FOXN1: variants seen among roughly 807,000 people sequenced by gnomAD.
The protein encoded by FOXN1 is forkhead box N1.
Under a neutral mutation model 49.0 loss-of-function variants are expected in FOXN1, and 15 were observed. That is an observed-to-expected ratio of 0.31 (90% CI 0.20 to 0.47). The LOEUF (loss-of-function observed/expected upper bound fraction) is 0.47, where lower values mean the gene tolerates loss of function less well. Among genes scored for constraint, FOXN1 ranks in the 20% least tolerant of loss-of-function variants. The probability of loss-of-function intolerance (pLI) is 1.00; values close to 1 mark genes in which losing one functional copy is unlikely to be tolerated. For synonymous variants in FOXN1, 356 were observed against 369.0 expected (o/e 0.96, Z 0.40); for missense variants, 800 against 842.8 (o/e 0.95, Z 0.63).
In FOXN1 at chr17:28,524,873, T is replaced by C. The variant is rs746353853; in HGVS notation, c.494T>C (p.Val165Ala). Residue 165 changes from valine to alanine, a missense_variant, in exon 3 of 9, where the codon GTG (valine) becomes GCG (alanine). Physicochemically the swap from Val to Ala is moderately conservative, Grantham distance 64 (BLOSUM62 0). Coordinates refer to ENST00000579795, the MANE Select transcript of FOXN1 (RefSeq NM_001369369.1). Reference protein sequence around the residue: ...LEAFEEIPVDVAEAEAFLPGF... With the variant: ...LEAFEEIPVDAAEAEAFLPGF... ...GCCTTCGAGGAGATCCCAGTGGACG[T>C]GGCGGAGGCCGAGGCCTTCCTGCCT... 1 of 1,613,662 alleles carries C rather than the reference T, an allele frequency of 6.2e-7. No homozygotes were observed.
At chr17:28,513,653 C>T (rs1309128040) in intron 1 of FOXN1, among the ~76,000 whole-genome samples, 6 of 152,268 alleles carry the variant, frequency 3.9e-5, no homozygotes, top group Non-Finnish European at 8.8e-5. Context: ...GACAGCCCCG[C>T]CTCAGCCCTC....
In FOXN1 at chr17:28,537,139, GGAT is replaced by G; in HGVS notation, c.1654_1656del (p.Asp552del). 1 of 1,614,062 alleles carries G rather than the reference GGAT, an allele frequency of 6.2e-7. No homozygotes were observed. Among genetic ancestry groups the G allele is most frequent in the Non-Finnish European group, 8.5e-7 (1 of 1,179,934 alleles). ...TAGGAAACCTGTGGGAACAGTTGAA[GGAT>G]GATAGCTTGGCCCTCGACCCCCTGG... is the stretch of plus-strand genomic sequence containing the variant. On this transcript the variant is annotated inframe_deletion, in exon 9 of 9. Transcript: ENST00000579795.
In FOXN1 at chr17:28,524,057, G is replaced by A. The variant is rs774122501; in HGVS notation, c.88G>A (p.Ala30Thr). Residue 30 changes from alanine (A) to threonine (T), a missense_variant, in exon 2 of 9, where the codon GCA becomes ACA. Around this residue, in one of 3 missense-constraint regions of FOXN1, gnomAD observed 383 missense variants for 357.9 expected, o/e 1.07. Transcript: ENST00000579795. ...CGAGCGCCAAGGGGACCTCATGCAG[G>A]CACCGGGCCTCCCAGGCTCCCCTGC... ...EGERQGDLMQ[A>T]PGLPGSPAPQ... 2 of 1,610,086 alleles carry A rather than the reference G, an allele frequency of 1.2e-6. No individual in the cohort carries two copies. The highest frequency in any genetic ancestry group is 1.7e-6 in the Non-Finnish European group (2 of 1,179,280).
chr17:28,534,807 C>G lies in FOXN1; in HGVS notation c.1236C>G (p.Pro412=). ...TGTCCGGCTCAGGCCCCATCCGGCCCCTGGCACCCCCAGCTGGCCTCTCCC... is the reference window on the plus strand; with the variant it reads ...TGTCCGGCTCAGGCCCCATCCGGCCGCTGGCACCCCCAGCTGGCCTCTCCC... ...PGLSGSGPIR[P]LAPPAGLSPP... is the part of the protein sequence containing the mutation. The change falls in exon 8 of 9, where the codon CCC becomes CCG. Residue 412 remains proline (P), a synonymous_variant. Coordinates refer to ENST00000579795, the MANE Select transcript of FOXN1 (RefSeq NM_001369369.1). This position sits in a 1 kb window ranked among gnomAD's most constrained non-coding sequence, Gnocchi z 4.1. The G allele has an allele frequency of 6.2e-7, 1 of 1,613,908 alleles. No homozygotes were observed.
At chr17:28,520,596 G>A (rs994223050) in intron 1 of FOXN1, among the ~76,000 whole-genome samples, 1 of 152,200 alleles carries the variant, frequency 6.6e-6, no homozygotes, top group African/African-American at 2.4e-5. Context: ...ATTGGAGGAG[G>A]TAGCAGGGTG....
At chr17:28,514,642 C>G (rs866225152) in intron 1 of FOXN1, among the ~76,000 whole-genome samples, 1 of 152,076 alleles carries the variant, frequency 6.6e-6, no homozygotes, top group African/African-American at 2.4e-5. Context: ...AGCACCCGGC[C>G]GGCCGAGCCC....
intron 1 of FOXN1, among the ~76,000 whole-genome samples, chr17:28,520,018 A>G (rs1391659985): frequency 1.3e-5 from 2 of 151,942 alleles, no homozygotes; most frequent in African/African-American, 2.4e-5. Context: ...AGCATGTACT[A>G]TGTGTTAAGC....
intron 4 of FOXN1, among the ~76,000 whole-genome samples, chr17:28,527,705 G>A (rs1196096405): frequency 6.6e-6 from 1 of 152,164 alleles, no homozygotes; most frequent in Admixed American, 6.5e-5. Context: ...AGAGGAGTGT[G>A]GTGTGAAACA....
At chr17:28,521,146 C>T (rs560303137) in intron 1 of FOXN1, among the ~76,000 whole-genome samples, 3 of 151,928 alleles carry the variant, frequency 2.0e-5, no homozygotes, top group Admixed American at 1.3e-4. Flanking sequence ...TTCTCAGATG[C>T]GGAAAGTGAG....
At chr17:28,521,252 C>G (rs146575189) in intron 1 of FOXN1, among the ~76,000 whole-genome samples, 132 of 152,352 alleles carry the variant, frequency 8.7e-4, no homozygotes, top group Non-Finnish European at 1.4e-3. Context: ...AATCCTTGCT[C>G]TAAAACACCG....
chr17:28,534,279 G>C lies in FOXN1; in HGVS notation c.928-52G>C. On this transcript the variant is annotated intron_variant, in intron 6 of 8. Transcript: ENST00000579795. The surrounding 1 kb of genome is among the most constrained non-coding windows in gnomAD (Gnocchi z 4.1). ...GTTCTAGAACCCAGACCTGAAGCCC[G>C]CTCTGGCTTCCTGAGCCTGGCCTGA... The C allele has an allele frequency of 3.1e-6, 5 of 1,613,366 alleles. No homozygotes were observed. The highest frequency in any genetic ancestry group is 4.2e-6 in the Non-Finnish European group (5 of 1,179,936).
At chr17:28,533,129 G>T (rs2069954042) in intron 6 of FOXN1, among the ~76,000 whole-genome samples, 1 of 152,204 alleles carries the variant, frequency 6.6e-6, no homozygotes, top group Non-Finnish European at 1.5e-5. Context: ...GTTCTGCTGG[G>T]CATGATTCAG....
chr17:28,516,050 C>T (rs557704301), intron 1 of FOXN1, among the ~76,000 whole-genome samples: 2 of 151,920 alleles, frequency 1.3e-5, no homozygotes, highest in Non-Finnish European at 1.5e-5. Context: ...ATCCATAACT[C>T]CACAGGATAC....
rs562156057 is a variant in FOXN1, at chr17:28,512,185, T to A, written c.-15+5742T>A. ...GGGATGAAGGCAAGGCTTCACAATCTGTGCAAAAGCCTCCTGGTCCTTCAC... is the reference window on the plus strand; with the variant it reads ...GGGATGAAGGCAAGGCTTCACAATCAGTGCAAAAGCCTCCTGGTCCTTCAC... On this transcript the variant is annotated intron_variant, in intron 1 of 8. Transcript: ENST00000579795. Among the ~76,000 whole-genome samples, 11 of 152,338 alleles carry A rather than the reference T, an allele frequency of 7.2e-5. No homozygotes were observed. In the South Asian group the frequency reaches 1.7e-3, roughly 23 times the overall value.
rs2151499421 is a variant in FOXN1, at chr17:28,535,067, C to T, written c.1496C>T (p.Pro499Leu). The T allele has an allele frequency of 6.2e-7, 1 of 1,610,036 alleles. No homozygotes were observed. The highest frequency in any genetic ancestry group is 2.2e-5 in the East Asian group (1 of 44,792). The change falls in exon 8 of 9, where the codon CCC becomes CTC. Residue 499 changes from proline to leucine, a missense_variant. Transcript: ENST00000579795. ...QDSPLPAHTP[P>L]SHSAKLLAEP... ...TCGCCTCTGCCTGCCCACACCCCAC[C>T]CAGCCACAGTGCCAAGCTACTGGCC... is the stretch of plus-strand genomic sequence containing the variant.
In FOXN1 at chr17:28,538,463, C is replaced by T. The variant is rs984999377; in HGVS notation, c.*1027C>T. ...CCGATAAACCCATTGTAAATTGAAA[C>T]CACCGAAAGTCAAAAACCACTTTCG... On this transcript the variant is annotated 3_prime_UTR_variant, in exon 9 of 9. Coordinates refer to ENST00000579795, the MANE Select transcript of FOXN1 (RefSeq NM_001369369.1). 6.6e-6 allele frequency: 1 copy of T among 152,230 alleles called. No individual in the cohort carries two copies. Among genetic ancestry groups the T allele is most frequent in the African/African-American group, 2.4e-5 (1 of 41,458 alleles). The allele number at this position is 152,230 out of a possible 1,614,324, so 9.4% of individuals were successfully genotyped here. A position where few individuals can be genotyped will look rare whatever the true frequency, so the allele number is the denominator to read the frequency against.
At chr17:28,523,094 C>T (rs1281408151) in intron 1 of FOXN1, among the ~76,000 whole-genome samples, 1 of 152,214 alleles carries the variant, frequency 6.6e-6, no homozygotes, top group Non-Finnish European at 1.5e-5. Context: ...TCCTCTTAAC[C>T]ACCCCACTGT....
intron 1 of FOXN1, among the ~76,000 whole-genome samples, chr17:28,518,515 T>C (rs1405002863): frequency 6.6e-6 from 1 of 152,172 alleles, no homozygotes; most frequent in Non-Finnish European, 1.5e-5. Context: ...AATGCAGTAA[T>C]GATGACTGTT....
intron 1 of FOXN1, among the ~76,000 whole-genome samples, chr17:28,508,734 A>G (rs782791718): frequency 2.0e-5 from 3 of 152,108 alleles, no homozygotes; most frequent in Non-Finnish European, 2.9e-5. Context: ...CTCTGACTCC[A>G]CATTCTGACG....
Sources: gnomAD v4.1 joint callset for allele counts (sites outside exome capture counted in the v4.1 genomes callset) on GRCh38, gnomAD v4.1.1 for gene constraint, gnomAD v4.1.1 regional missense constraint, Gnocchi (gnomAD v3.1) non-coding constraint, MANE v1.5 for transcripts, NCBI Gene and HGNC (gene_info 2026-07-23, HGNC 2026-07-21) for gene names.